The following CD1D variants were observed in gnomAD, a reference collection of about 807,000 sequenced individuals.
The protein encoded by CD1D is CD1d molecule.
CD1D carries 40 observed loss-of-function variants against 42.1 expected under a neutral mutation model. The observed-to-expected ratio is 0.95, with a 90% CI of 0.74 to 1.24. The LOEUF is 1.24. Ranked by LOEUF, CD1D falls within the 50% of genes most tolerant of loss-of-function variation. The pLI, the probability that CD1D is intolerant of heterozygous loss-of-function variation, is 0.00. For synonymous variants in CD1D, 178 were observed against 171.8 expected (o/e 1.04, Z -0.28); for missense variants, 437 against 416.5 (o/e 1.05, Z -0.43).
chr1:158,185,257 G>A lies in CD1D; in HGVS notation c.*1107G>A, dbSNP rs188278184. Among the ~76,000 whole-genome samples the A allele has an allele frequency of 6.6e-6, 1 of 152,286 alleles. No homozygotes were observed. Among genetic ancestry groups the A allele is most frequent in the Non-Finnish European group, 1.5e-5 (1 of 68,014 alleles). On this transcript the variant is annotated 3_prime_UTR_variant, in exon 6 of 6. Transcript: ENST00000674085. ...GCCTAGCTGGGAGGTAAATCTCTTG[G>A]CAGTCAGGGTCCCTGAACACCCAGA...
intron 4 of CD1D, among the ~76,000 whole-genome samples, chr1:158,183,497 C>A (rs1223566616): frequency 6.6e-6 from 1 of 152,200 alleles, no homozygotes; most frequent in Admixed American, 6.5e-5. Context: ...GCAAAGATAG[C>A]TTGGTTGGTT....
Position 158,184,006 on chromosome 1 carries a change from G to T in CD1D, c.957G>T (p.Val319=), listed in dbSNP as rs746937229. The T allele has an allele frequency of 5.6e-5, 90 of 1,614,014 alleles. No homozygotes were observed. The highest frequency in any genetic ancestry group is 7.4e-5 in the Non-Finnish European group (87 of 1,180,012). The change falls in exon 5 of 6, where the codon GTG becomes GTT. Residue 319 remains valine (V), a synonymous_variant. Coordinates refer to ENST00000674085, the MANE Select transcript of CD1D (RefSeq NM_001371762.2). The stretch of plus-strand genomic sequence containing the variant: ...CGTGCTTGCTGTTCCTCCTCATTGT[G>T]GGCTTTACCTCCCGGTTTAAGAGGC... The part of the protein sequence containing the change: ...VLACLLFLLI[V]GFTSRFKRQT...
In CD1D at chr1:158,181,658, C is replaced by A. The variant is rs920079330; in HGVS notation, c.265C>A (p.Arg89=). Residue 89 remains arginine (R), a synonymous_variant, in exon 2 of 6, where the codon CGG becomes AGG. Transcript: ENST00000674085. ...GTGGGAGACGCTGCAGCATATATTTCGGGTTTATCGAAGCAGCTTCACCAG... is the reference window on the plus strand; with the variant it reads ...GTGGGAGACGCTGCAGCATATATTTAGGGTTTATCGAAGCAGCTTCACCAG... ...QQWETLQHIF[R]VYRSSFTRDV... is the part of the protein sequence containing the mutation. The A allele has an allele frequency of 3.2e-5, 52 of 1,613,798 alleles. No homozygotes were observed. The highest frequency in any genetic ancestry group is 4.4e-5 in the Non-Finnish European group (52 of 1,180,028).
Position 158,185,855 on chromosome 1 carries a change from C to G in CD1D, c.*1705C>G, listed in dbSNP as rs569279520. ...CTGGAAGCAGGCTCAATAGTCAAGC[C>G]CCCTGGTGATTCTGATGCTTAGCTA... On this transcript the variant is annotated 3_prime_UTR_variant, in exon 6 of 6. Transcript: ENST00000674085. 6.6e-6 allele frequency among the ~76,000 whole-genome samples: 1 copy of G among 152,150 alleles called. No homozygotes were observed. Among genetic ancestry groups the G allele is most frequent in the Non-Finnish European group, 1.5e-5 (1 of 68,042 alleles).
Position 158,185,148 on chromosome 1 carries a change from A to G in CD1D, c.*998A>G, listed in dbSNP as rs1186998027. On this transcript the variant is annotated 3_prime_UTR_variant, in exon 6 of 6. Transcript: ENST00000674085. The stretch of plus-strand genomic sequence containing the variant: ...GGTAGCCCAGCCATGCTGTGTTCTT[A>G]TCTTAGAGAGGACAGAGCAGGAAAC... Among the ~76,000 whole-genome samples, 2 of 152,182 alleles carry G rather than the reference A, an allele frequency of 1.3e-5. No individual in the cohort carries two copies. Among genetic ancestry groups the G allele is most frequent in the Non-Finnish European group, 2.9e-5 (2 of 68,016 alleles).
chr1:158,182,180 A>G lies in CD1D; in HGVS notation c.477A>G (p.Val159=), dbSNP rs772275030. ...WEPTQEAPLW[V]NLAIQVLNQD... ...CAACCCAAGAGGCCCCACTTTGGGT[A>G]AACTTGGCCATTCAAGTGCTCAACC... The change falls in exon 3 of 6, where the codon GTA becomes GTG. Residue 159 remains valine (V), a synonymous_variant. Transcript: ENST00000674085. 12 of 1,614,096 alleles carry G rather than the reference A, an allele frequency of 7.4e-6. No homozygotes were observed. The highest frequency in any genetic ancestry group is 6.7e-5 in the East Asian group (3 of 44,890).
chr1:158,178,563 C>A (rs1648257275), upstream of CD1D, among the ~76,000 whole-genome samples: 1 of 152,176 alleles, frequency 6.6e-6, no homozygotes, highest in African/African-American at 2.4e-5. Flanking sequence ...TATGATCAGG[C>A]TCCAAGGTTT....
chr1:158,181,936 C>A, intron 2 of CD1D, 96 bp from the exon 3 acceptor site: 1 of 1,465,378 alleles, frequency 6.8e-7, no homozygotes, highest in African/African-American at 1.4e-5. Flanking sequence ...TCCCTGAAGT[C>A]TGGGTCCCCA....
Position 158,184,032 on chromosome 1 carries a change from A to G in CD1D, c.983A>G (p.Gln328Arg), listed in dbSNP as rs1425402860. The change falls in exon 5 of 6, where the codon CAA (glutamine) becomes CGA (arginine). Residue 328 changes from glutamine (Q) to arginine (R), a missense_variant. Coordinates refer to ENST00000674085, the MANE Select transcript of CD1D (RefSeq NM_001371762.2). The part of the protein sequence containing the change: ...IVGFTSRFKR[Q>R]TSYQGVL ...GGCTTTACCTCCCGGTTTAAGAGGC[A>G]AACGTAAGTCTCCCCTTTCCCTTTC... 6.2e-7 allele frequency: 1 copy of G among 1,614,094 alleles called. No homozygotes were observed. The highest frequency in any genetic ancestry group is 1.1e-5 in the South Asian group (1 of 91,076).
chr1:158,183,622 C>T lies in CD1D; in HGVS notation c.887-314C>T, dbSNP rs191409768. On this transcript the variant is annotated intron_variant, in intron 4 of 5. Transcript: ENST00000674085. ...CGTTATATAGATGAGGAAATGAAGGCGGAGATAGGTTAACTGCCCGGAGCC... is the reference window on the plus strand; with the variant it reads ...CGTTATATAGATGAGGAAATGAAGGTGGAGATAGGTTAACTGCCCGGAGCC... Among the ~76,000 whole-genome samples the T allele has an allele frequency of 1.5e-4, 23 of 152,224 alleles. No individual in the cohort carries two copies. The East Asian group carries it at 2.5e-3, about 17-fold the overall frequency.
In CD1D at chr1:158,181,475, C is replaced by A. The variant is rs1424286438; in HGVS notation, c.82C>A (p.Leu28Ile). The A allele has an allele frequency of 1.9e-6, 3 of 1,614,078 alleles. No individual in the cohort carries two copies. ...SAEVPQRLFP[L>I]RCLQISSFAN... ...CCCAGTCCCGCAAAGGCTTTTCCCC[C>A]TCCGCTGCCTCCAGATCTCGTCCTT... is the stretch of plus-strand genomic sequence containing the variant. The change falls in exon 2 of 6, where the codon CTC becomes ATC. Residue 28 changes from leucine to isoleucine, a missense_variant. Coordinates refer to ENST00000674085, the MANE Select transcript of CD1D (RefSeq NM_001371762.2).
Position 158,182,876 on chromosome 1 carries a change from A to G in CD1D, c.608-2A>G, listed in dbSNP as rs1176038421. 3 of 1,602,150 alleles carry G rather than the reference A, an allele frequency of 1.9e-6. No individual in the cohort carries two copies. The highest frequency in any genetic ancestry group is 1.1e-5 in the South Asian group (1 of 88,996). ...TCCCCCCCATTCCCTTGTTGGATAC[A>G]GTGAAGCCCAAGGCCTGGCTGTCCC... On this transcript the variant is annotated splice_acceptor_variant, in intron 3 of 5. Transcript: ENST00000674085. LOFTEE classifies it high-confidence loss of function.
chr1:158,183,811 T>G, intron 4 of CD1D, 125 bp from the exon 5 acceptor site: 1 of 746,560 alleles, frequency 1.3e-6, no homozygotes, highest in East Asian at 2.5e-5. Flanking sequence ...GAATAGAAAT[T>G]GGGGTTTTAA....
In CD1D at chr1:158,183,097, G is replaced by T. The variant is rs774299268; in HGVS notation, c.827G>T (p.Gly276Val). ...TLDVVAGEAA[G>V]LSCRVKHSSL... ...GATGTGGTGGCTGGGGAGGCAGCTGGCCTGTCCTGTCGGGTGAAGCACAGC... is the reference window on the plus strand; with the variant it reads ...GATGTGGTGGCTGGGGAGGCAGCTGTCCTGTCCTGTCGGGTGAAGCACAGC... The change falls in exon 4 of 6, where the codon GGC (glycine) becomes GTC (valine). Residue 276 changes from glycine to valine, a missense_variant. Physicochemically the swap from Gly to Val is moderately radical, Grantham distance 109. Transcript: ENST00000674085. 3.1e-6 allele frequency: 5 copies of T among 1,613,974 alleles called. No individual in the cohort carries two copies. The highest frequency in any genetic ancestry group is 3.3e-4 in the Middle Eastern group (2 of 6,084).
At chr1:158,179,523 A>G (rs1261029234), upstream of CD1D, among the ~76,000 whole-genome samples, 1 of 152,204 alleles carries the variant, frequency 6.6e-6, no homozygotes, top group Non-Finnish European at 1.5e-5. Flanking sequence ...GAGGACACAG[A>G]GGGAGACAGA....
rs761220575 is a variant in CD1D at position 158,184,046 on chromosome 1, C to G, written c.986+11C>G. 6.2e-6 allele frequency: 10 copies of G among 1,613,490 alleles called. No homozygotes were observed. In the South Asian group the frequency reaches 9.9e-5, roughly 16 times the overall value. On this transcript the variant is annotated intron_variant, in intron 5 of 5. Transcript: ENST00000674085. ...GTTTAAGAGGCAAACGTAAGTCTCC[C>G]CTTTCCCTTTCCTCAACCTCTCTCC...
chr1:158,184,082 T>G (rs1186604748), intron 5 of CD1D, 47 bp downstream of exon 5: 1 of 1,613,850 alleles, frequency 6.2e-7, no homozygotes, highest in Non-Finnish European at 8.5e-7. Context: ...CCTTCATTCC[T>G]GGCTTCCCTT....
chr1:158,183,279 C>A, intron 4 of CD1D, 123 bp downstream of exon 4: 2 of 1,172,128 alleles, frequency 1.7e-6, no homozygotes, highest in South Asian at 1.9e-5. Context: ...ATGAGGCCCC[C>A]AGTAAAAGGA....
Position 158,182,926 on chromosome 1 carries a change from G to A in CD1D, c.656G>A (p.Arg219His), listed in dbSNP as rs199860570. ...LSRGPSPGPGRLLLVCHVSGF... is the reference protein window; with the variant it reads ...LSRGPSPGPGHLLLVCHVSGF... ...CGTGGCCCCAGTCCTGGCCCTGGCCGTCTGCTGCTGGTGTGCCATGTCTCA... is the reference window on the plus strand; with the variant it reads ...CGTGGCCCCAGTCCTGGCCCTGGCCATCTGCTGCTGGTGTGCCATGTCTCA... The change falls in exon 4 of 6, where the codon CGT becomes CAT. Residue 219 changes from arginine to histidine, a missense_variant. Coordinates refer to ENST00000674085, the MANE Select transcript of CD1D (RefSeq NM_001371762.2). 3.3e-5 allele frequency: 53 copies of A among 1,613,870 alleles called. No homozygotes were observed. In the Middle Eastern group the frequency reaches 6.6e-4, roughly 20 times the overall value.
Sources: gnomAD v4.1 joint callset for allele counts (sites outside exome capture counted in the v4.1 genomes callset) on GRCh38, gnomAD v4.1.1 for gene constraint, MANE v1.5 for transcripts, NCBI Gene and HGNC (gene_info 2026-07-23, HGNC 2026-07-21) for gene names.